The following VIPR2 variants were observed in gnomAD, a reference collection of about 807,000 sequenced individuals.
VIPR2 encodes vasoactive intestinal polypeptide receptor 2.
In VIPR2, 48 loss-of-function variants were observed where a neutral mutation model predicts 58.0. The ratio of observed to expected loss-of-function variants is 0.83; its 90% CI spans 0.66 to 1.05. The LOEUF (loss-of-function observed/expected upper bound fraction) is 1.05, where lower values mean the gene tolerates loss of function less well. VIPR2 is among the 50% of genes least tolerant of loss of function. The probability of loss-of-function intolerance (pLI) is 0.00; values close to 1 mark genes in which losing one functional copy is unlikely to be tolerated. For missense variants in VIPR2, 534 were observed against 558.0 expected (o/e 0.96, Z 0.43); for synonymous variants, 243 against 235.2 (o/e 1.03, Z -0.30).
At chr7:159,034,497 C>T in intron 9 of VIPR2, 84 bp downstream of exon 9, 1 of 1,446,410 alleles carries the variant, frequency 6.9e-7, no homozygotes, top group Non-Finnish European at 9.7e-7. Flanking sequence ...GGGGTCAGTT[C>T]TATTTAATAA....
At chr7:159,048,348 G>A (rs2129493636) in intron 5 of VIPR2, among the ~76,000 whole-genome samples, 1 of 152,262 alleles carries the variant, frequency 6.6e-6, no homozygotes, top group East Asian at 1.9e-4. Flanking sequence ...TTGTTAATGT[G>A]GATATGAATA....
rs534813479 is a variant in VIPR2, at chr7:159,128,035, C to A, written c.151+14411G>T. 6.6e-6 allele frequency among the ~76,000 whole-genome samples: 1 copy of A among 152,176 alleles called. No individual in the cohort carries two copies. The highest frequency in any genetic ancestry group is 1.5e-5 in the Non-Finnish European group (1 of 68,032). On this transcript the variant is annotated intron_variant, in intron 2 of 12. Transcript: ENST00000262178. This position sits in a 1 kb window ranked among gnomAD's most constrained non-coding sequence, Gnocchi z 4.1. ...AGCGCCAGGACAAACCACCGCTCCC[C>A]CCACCTTGCAGCAGGGCCTGACCGT...
At chr7:159,081,494 A>G (rs564776111) in intron 4 of VIPR2, among the ~76,000 whole-genome samples, 1 of 152,384 alleles carries the variant, frequency 6.6e-6, no homozygotes, top group East Asian at 1.9e-4. Context: ...CTTACATGTT[A>G]GACCTAAAAC....
At chr7:159,048,043 A>G (rs1405268481) in intron 5 of VIPR2, among the ~76,000 whole-genome samples, 2 of 152,240 alleles carry the variant, frequency 1.3e-5, no homozygotes, top group Non-Finnish European at 2.9e-5. Flanking sequence ...AATATAAATC[A>G]TAACTAATGA....
At chr7:159,067,182 C>T (rs75463077) in intron 4 of VIPR2, among the ~76,000 whole-genome samples, 2,397 of 152,262 alleles carry the variant, frequency 0.016, 76 homozygotes, top group East Asian at 0.12. Context: ...GGCACAGAGA[C>T]CATACGACCA....
At position 159,144,695 on chromosome 7, in the gene VIPR2, GGGGCGGGGGTCGC is replaced by G; in HGVS notation, c.51+13_51+25del. On this transcript the variant is annotated intron_variant, in intron 1 of 12. Transcript: ENST00000262178. ...GGGAGAACCGGGTCCGAGGCGCCGTGGGGCGGGGGTCGCGGGCGCACTCACGGGGGCGAGCAGC... is the reference window on the plus strand; with the variant it reads ...GGGAGAACCGGGTCCGAGGCGCCGTGGGGCGCACTCACGGGGGCGAGCAGC... 1 of 1,333,784 alleles carries G rather than the reference GGGGCGGGGGTCGC, an allele frequency of 7.5e-7. No individual in the cohort carries two copies. Among genetic ancestry groups the G allele is most frequent in the Non-Finnish European group, 9.6e-7 (1 of 1,041,580 alleles). The allele number at this position is 1,333,784 out of a possible 1,614,324, so 82.6% of individuals were successfully genotyped here.
At chr7:159,035,480 A>G (rs1383504620) in intron 8 of VIPR2, among the ~76,000 whole-genome samples, 1 of 152,210 alleles carries the variant, frequency 6.6e-6, no homozygotes, top group Non-Finnish European at 1.5e-5. Context: ...TGCTGGAACC[A>G]CGCGTGCTCA....
chr7:159,103,500 T>A (rs184363441), intron 4 of VIPR2, among the ~76,000 whole-genome samples: 6 of 152,150 alleles, frequency 3.9e-5, no homozygotes, highest in Admixed American at 3.9e-4. Context: ...CCTCACCATC[T>A]CCCAGACACA....
chr7:159,070,230 C>T (rs903352364), intron 4 of VIPR2, among the ~76,000 whole-genome samples: 5 of 152,252 alleles, frequency 3.3e-5, no homozygotes, highest in African/African-American at 9.6e-5. Context: ...TTCCTGCTGT[C>T]CCGGGGTCAG....
chr7:159,085,864 A>T (rs1857141485), intron 4 of VIPR2, among the ~76,000 whole-genome samples: 1 of 152,146 alleles, frequency 6.6e-6, no homozygotes, highest in African/African-American at 2.4e-5. Flanking sequence ...GGAGGGACGA[A>T]GAGGCGGAGC....
In VIPR2 at chr7:159,064,850, C is replaced by T. The variant is rs115734880; in HGVS notation, c.358-6272G>A. Among the ~76,000 whole-genome samples, 1,291 of 152,322 alleles carry T rather than the reference C, an allele frequency of 8.5e-3. 18 individuals are homozygous for T. The highest frequency in any genetic ancestry group is 0.029 in the African/African-American group (1,217 of 41,566). ...CCTGCAGAGGCCTCGCCTAGAGGCC[C>T]GGGGTTCCATGCCTGGCAAGACAGG... On this transcript the variant is annotated intron_variant, in intron 4 of 12. Coordinates refer to ENST00000262178, the MANE Select transcript of VIPR2 (RefSeq NM_003382.5).
At chr7:159,037,019 C>A in intron 6 of VIPR2, 117 bp from the exon 7 acceptor site, 1 of 1,241,318 alleles carries the variant, frequency 8.1e-7, no homozygotes, top group Non-Finnish European at 1.1e-6. Flanking sequence ...GAAGGAGACA[C>A]CGGTGCCATT....
Position 159,144,773 on chromosome 7 carries a change from C to T in VIPR2, c.-2G>A. The T allele has an allele frequency of 8.0e-7, 1 of 1,251,474 alleles. No homozygotes were observed. Among genetic ancestry groups the T allele is most frequent in the South Asian group, 3.5e-5 (1 of 28,582 alleles). The allele number at this position is 1,251,474 out of a possible 1,614,324, so 77.5% of individuals were successfully genotyped here. On this transcript the variant is annotated 5_prime_UTR_variant, in exon 1 of 13. Transcript: ENST00000262178. ...CGCGGGAGGCAGCAGCGTCCGCATC[C>T]CGAGCTCAGCGTGCCGGGGGCCGCC...
chr7:159,084,359 G>C (rs2129495030), intron 4 of VIPR2, among the ~76,000 whole-genome samples: 1 of 152,360 alleles, frequency 6.6e-6, no homozygotes, highest in Admixed American at 6.5e-5. Flanking sequence ...AGGCGGCTGG[G>C]CACGCTGGAG....
At position 159,109,937 on chromosome 7, in the gene VIPR2, G is replaced by A. The variant is rs1442180307; in HGVS notation, c.152-18C>T. The A allele has an allele frequency of 6.2e-7, 1 of 1,611,308 alleles. No homozygotes were observed. The highest frequency in any genetic ancestry group is 8.5e-7 in the Non-Finnish European group (1 of 1,179,558). On this transcript the variant is annotated intron_variant, in intron 2 of 12. Transcript: ENST00000262178. ...ACTGCAGGCTGGAAGGAGAGAAGCAGAGTGAGGCAGGTGCAAGGTGACAGA... is the reference window on the plus strand; with the variant it reads ...ACTGCAGGCTGGAAGGAGAGAAGCAAAGTGAGGCAGGTGCAAGGTGACAGA...
intron 6 of VIPR2, among the ~76,000 whole-genome samples, chr7:159,038,751 G>A (rs1446700681): frequency 1.3e-5 from 2 of 151,884 alleles, no homozygotes; most frequent in East Asian, 1.9e-4. Context: ...TAACCAAGAC[G>A]GGAAATCTGA....
rs538820598 is a variant in VIPR2 at position 159,099,789 on chromosome 7, C to T, written c.357+3968G>A. Among the ~76,000 whole-genome samples the T allele has an allele frequency of 1.4e-3, 218 of 152,198 alleles. No homozygotes were observed. The highest frequency in any genetic ancestry group is 2.1e-3 in the Non-Finnish European group (142 of 68,008). ...GAAATCCCCCCCAGGCCACAGAAGC[C>T]CCTGAGACCCCTGGCTGCTCCCTTT... is the stretch of plus-strand genomic sequence containing the variant. On this transcript the variant is annotated intron_variant, in intron 4 of 12. Transcript: ENST00000262178. This position sits in a 1 kb window ranked among gnomAD's most constrained non-coding sequence, Gnocchi z 4.2.
At chr7:159,102,763 C>T (rs1364970579) in intron 4 of VIPR2, among the ~76,000 whole-genome samples, 1 of 152,206 alleles carries the variant, frequency 6.6e-6, no homozygotes, top group Non-Finnish European at 1.5e-5. Flanking sequence ...GGCCCACAAG[C>T]TGATGGTTTT....
At chr7:159,115,298 C>CA (rs1258242893) in intron 2 of VIPR2, among the ~76,000 whole-genome samples, 1 of 152,124 alleles carries the variant, frequency 6.6e-6, no homozygotes. Flanking sequence ...AATCAAGAAG[C>CA]AAAAAGAGAG....
Sources: allele counts gnomAD v4.1 joint callset (sites outside exome capture counted in the v4.1 genomes callset), GRCh38; gene constraint gnomAD v4.1.1; non-coding constraint Gnocchi (gnomAD v3.1); transcripts MANE v1.5; gene names NCBI Gene and HGNC (gene_info 2026-07-23, HGNC 2026-07-21).